The following VPS37A variants were observed in gnomAD, a reference collection of about 807,000 sequenced individuals.
VPS37A encodes vacuolar protein sorting-associated protein 37A.
VPS37A carries 30 observed loss-of-function variants against 49.8 expected under a neutral mutation model. That is an observed-to-expected ratio of 0.60 (90% CI 0.45 to 0.82). VPS37A has a LOEUF of 0.82. Among genes scored for constraint, VPS37A ranks in the 40% least tolerant of loss-of-function variants. VPS37A has a pLI of 0.00. For synonymous variants in VPS37A, 195 were observed against 160.6 expected (o/e 1.21, Z -1.62); for missense variants, 593 against 464.4 (o/e 1.28, Z -2.55).
chr8:17,327,886 A>G, the VPS37A span, among the ~76,000 whole-genome samples: 1 of 152,228 alleles, frequency 6.6e-6, no homozygotes, highest in East Asian at 1.9e-4. Context: ...TTAAAAAATT[A>G]TGCTTTTTCA....
chr8:17,316,779 G>C, the VPS37A span, among the ~76,000 whole-genome samples: 1 of 152,098 alleles, frequency 6.6e-6, no homozygotes, highest in Admixed American at 6.5e-5. Flanking sequence ...TAAATATATG[G>C]GAGGATGTGC....
the VPS37A span, chr8:17,326,458 T>G: frequency 2.6e-5 from 4 of 152,230 alleles, no homozygotes; most frequent in African/African-American, 9.6e-5. Flanking sequence ...TAATGATCCT[T>G]GTGGTCACAA....
At chr8:17,320,623 A>C in the VPS37A span, among the ~76,000 whole-genome samples, 4 of 152,216 alleles carry the variant, frequency 2.6e-5, no homozygotes, top group Non-Finnish European at 5.9e-5. Context: ...GCATGGACCC[A>C]ATTGGAAGAC....
chr8:17,247,432 C>G (rs971515656), intron 1 of VPS37A, 63 bp downstream of exon 1: 2 of 1,517,142 alleles, frequency 1.3e-6, no homozygotes, highest in Non-Finnish European at 1.8e-6. Flanking sequence ...CTTGTCCTAA[C>G]CACCCTCACA....
chr8:17,247,226 G>T lies in VPS37A; in HGVS notation c.-19G>T, dbSNP rs59276128. 5 of 1,564,384 alleles carry T rather than the reference G, an allele frequency of 3.2e-6. No individual in the cohort carries two copies. Among genetic ancestry groups the T allele is most frequent in the Non-Finnish European group, 4.3e-6 (5 of 1,154,476 alleles). On this transcript the variant is annotated 5_prime_UTR_variant, in exon 1 of 12. Coordinates refer to ENST00000324849, the MANE Select transcript of VPS37A (RefSeq NM_152415.3). Reference sequence around the variant, plus strand: ...AGGCCAGAGCCTTCCAGGGCCTCCGGCCCGTGGACCCGAGGAGGATGAGCT... The same window carrying T: ...AGGCCAGAGCCTTCCAGGGCCTCCGTCCCGTGGACCCGAGGAGGATGAGCT...
chr8:17,268,736 C>T (rs1813704483), intron 3 of VPS37A, 120 bp from the exon 4 acceptor site: 3 of 705,242 alleles, frequency 4.3e-6, no homozygotes, highest in Non-Finnish European at 4.7e-6. Flanking sequence ...TGCTAATATC[C>T]TTTTTCATTT....
chr8:17,329,373 G>A, the VPS37A span, among the ~76,000 whole-genome samples: 5 of 152,306 alleles, frequency 3.3e-5, no homozygotes, highest in South Asian at 6.2e-4. Flanking sequence ...TGCACTGCAC[G>A]TAGCTGGAAA....
chr8:17,254,794 C>G (rs2150351080), intron 1 of VPS37A, among the ~76,000 whole-genome samples: 1 of 152,084 alleles, frequency 6.6e-6, no homozygotes, highest in African/African-American at 2.4e-5. Context: ...ACAAGTACCC[C>G]ATAAATATGT....
In VPS37A at chr8:17,267,821, CCAGCCGTGA is replaced by C. The variant is rs1475792561; in HGVS notation, c.201-432_201-424del. On this transcript the variant is annotated intron_variant, in intron 2 of 11. Transcript: ENST00000324849. The stretch of plus-strand genomic sequence containing the variant: ...GGACTACAGGCATGCACCACCATGC[CCAGCCGTGA>C]CAGCATTCTCAAAGTAGAAAAACCA... Among the ~76,000 whole-genome samples, 15 of 152,112 alleles carry C rather than the reference CCAGCCGTGA, an allele frequency of 9.9e-5. 1 individual carries two copies. The highest frequency in any genetic ancestry group is 2.9e-5 in the Non-Finnish European group (2 of 68,026).
intron 9 of VPS37A, among the ~76,000 whole-genome samples, chr8:17,283,187 A>G (rs759914270): frequency 6.6e-6 from 1 of 150,830 alleles, no homozygotes; most frequent in Admixed American, 6.6e-5. Context: ...TTTTTTTCTT[A>G]CTCTGTCACC....
chr8:17,321,856 A>G, the VPS37A span, among the ~76,000 whole-genome samples: 33 of 152,274 alleles, frequency 2.2e-4, no homozygotes, highest in Non-Finnish European at 4.6e-4. Context: ...TATAAACTAC[A>G]GTAAAAAAAT....
chr8:17,275,751 C>T (rs1814455483), intron 5 of VPS37A, among the ~76,000 whole-genome samples: 1 of 152,128 alleles, frequency 6.6e-6, no homozygotes, highest in African/African-American at 2.4e-5. Flanking sequence ...GAATATCACC[C>T]ATAGCATTAC....
chr8:17,286,657 A>G, intron 11 of VPS37A: 1 of 432,228 alleles, frequency 2.3e-6, no homozygotes, highest in Non-Finnish European at 4.1e-6. Flanking sequence ...AGATTTTTTT[A>G]ACATTAGCTG....
the VPS37A span, among the ~76,000 whole-genome samples, chr8:17,321,833 T>C: frequency 1.3e-5 from 2 of 152,272 alleles, no homozygotes; most frequent in Admixed American, 1.3e-4. Flanking sequence ...GACAACTACA[T>C]GTCACAAACA....
chr8:17,283,575 C>G (rs1278969774), intron 9 of VPS37A, among the ~76,000 whole-genome samples: 1 of 152,146 alleles, frequency 6.6e-6, no homozygotes, highest in Non-Finnish European at 1.5e-5. Context: ...TGTCGATAAT[C>G]CAGTTTTTTC....
intron 1 of VPS37A, among the ~76,000 whole-genome samples, chr8:17,259,827 C>A (rs1381750631): frequency 6.6e-6 from 1 of 151,950 alleles, no homozygotes. Flanking sequence ...TATATAGTGA[C>A]CTTTGATTCT....
the VPS37A span, among the ~76,000 whole-genome samples, chr8:17,328,933 T>C: frequency 6.6e-6 from 1 of 152,060 alleles, no homozygotes; most frequent in East Asian, 1.9e-4. Flanking sequence ...AATTAGATCA[T>C]CTCTATAGAG....
At chr8:17,259,858 A>G (rs769288066) in intron 1 of VPS37A, among the ~76,000 whole-genome samples, 2 of 152,002 alleles carry the variant, frequency 1.3e-5, no homozygotes, top group Non-Finnish European at 2.9e-5. Context: ...TTTGATTTGT[A>G]GTCTGTTTTA....
intron 4 of VPS37A, among the ~76,000 whole-genome samples, chr8:17,274,404 T>C (rs962600792): frequency 1.3e-5 from 2 of 152,184 alleles, no homozygotes; most frequent in Non-Finnish European, 2.9e-5. Flanking sequence ...ATGGAGATAC[T>C]GATTGATAGC....
Sources: gnomAD v4.1 joint callset for allele counts (sites outside exome capture counted in the v4.1 genomes callset) on GRCh38, gnomAD v4.1.1 for gene constraint, MANE v1.5 for transcripts, NCBI Gene and HGNC (gene_info 2026-07-23, HGNC 2026-07-21) for gene names.